Variants in ATG5 observed in about 807,000 individuals in gnomAD.
The protein encoded by ATG5 is autophagy protein 5.
Under a neutral mutation model 36.5 loss-of-function variants are expected in ATG5, and 14 were observed. The observed-to-expected ratio is 0.38, with a 90% confidence interval of 0.25 to 0.60. The LOEUF (loss-of-function observed/expected upper bound fraction) is 0.60. ATG5 is among the 20% of genes least tolerant of loss of function. The probability of loss-of-function intolerance (pLI) is 0.60; values close to 1 mark genes in which losing one functional copy is unlikely to be tolerated. For synonymous variants in ATG5, 95 were observed against 101.5 expected (o/e 0.94, Z 0.38); for missense variants, 195 against 326.7 (o/e 0.60, Z 3.11).
chr6:106,277,900 T>G (rs921184237), intron 5 of ATG5, among the ~76,000 whole-genome samples: 4 of 152,214 alleles, frequency 2.6e-5, no homozygotes, highest in African/African-American at 9.7e-5. Flanking sequence ...GTACTTATAA[T>G]TTAACACATT....
Position 106,186,290 on chromosome 6 carries a change from C to G in ATG5, c.*250G>C, listed in dbSNP as rs1582519798. 2.3e-6 allele frequency: 1 copy of G among 427,724 alleles called. No individual in the cohort carries two copies. The highest frequency in any genetic ancestry group is 2.0e-5 in the African/African-American group (1 of 49,616). 26.5% of individuals were successfully genotyped at this position (427,724 alleles called of 1,614,324 possible). On this transcript the variant is annotated 3_prime_UTR_variant, in exon 8 of 8. Transcript: ENST00000369076. ...AGCTTCATTATATTTTACAGAAGAC[C>G]TTCAGTGGTCCGGTAAGTCTTTCAT...
At chr6:106,238,927 G>GT (rs1778000561) in intron 6 of ATG5, among the ~76,000 whole-genome samples, 1 of 151,924 alleles carries the variant, frequency 6.6e-6, no homozygotes, top group Non-Finnish European at 1.5e-5. Flanking sequence ...AAAAAGTGGA[G>GT]GGGGGGAACC....
At chr6:106,192,113 T>A (rs958970311) in intron 7 of ATG5, among the ~76,000 whole-genome samples, 12 of 152,136 alleles carry the variant, frequency 7.9e-5, no homozygotes, top group African/African-American at 2.9e-4. Flanking sequence ...TTCACGTTTA[T>A]TTAATAGTGC....
At chr6:106,246,390 TCTCA>T (rs752832485) in intron 6 of ATG5, among the ~76,000 whole-genome samples, 2,024 of 113,418 alleles carry the variant, frequency 0.018, 12 homozygotes, top group African/African-American at 0.044. Context: ...TCTCTCTCTC[TCTCA>T]CACACACACA....
At chr6:106,264,394 G>A (rs1433510288) in intron 5 of ATG5, among the ~76,000 whole-genome samples, 2 of 152,140 alleles carry the variant, frequency 1.3e-5, no homozygotes, top group Admixed American at 1.3e-4. Flanking sequence ...TGGGGAAAAT[G>A]GAACCAAGTT....
At chr6:106,200,384 T>C (rs1776373371) in intron 7 of ATG5, among the ~76,000 whole-genome samples, 1 of 152,202 alleles carries the variant, frequency 6.6e-6, no homozygotes. Context: ...GTTAAAGTAT[T>C]ACCTTCATAT....
At chr6:106,195,777 T>C (rs1056636977) in intron 7 of ATG5, among the ~76,000 whole-genome samples, 1 of 146,774 alleles carries the variant, frequency 6.8e-6, no homozygotes, top group Non-Finnish European at 1.5e-5. Context: ...TGGATTAGGT[T>C]GTGTGGCTGC....
chr6:106,267,518 G>A (rs1436706615), intron 5 of ATG5, among the ~76,000 whole-genome samples: 1 of 152,126 alleles, frequency 6.6e-6, no homozygotes, highest in Non-Finnish European at 1.5e-5. Context: ...CCAAAAAAGA[G>A]CCTGTATAGC....
At position 106,321,560 on chromosome 6, in the gene ATG5, G is replaced by A. The variant is rs553383999; in HGVS notation, c.-59+3966C>T. ...TTTTTAGTAGAGACGGGATTTCACC[G>A]TGTTAGCCAGGATGGTCTCGATCTC... On this transcript the variant is annotated intron_variant, in intron 1 of 7. Transcript: ENST00000369076. Among the ~76,000 whole-genome samples, 272 of 151,938 alleles carry A rather than the reference G, an allele frequency of 1.8e-3. 3 individuals carry two copies. Among genetic ancestry groups the A allele is most frequent in the African/African-American group, 6.0e-3 (249 of 41,436 alleles).
chr6:106,222,510 C>T (rs1777288580), intron 6 of ATG5, among the ~76,000 whole-genome samples: 1 of 152,094 alleles, frequency 6.6e-6, no homozygotes, highest in South Asian at 2.1e-4. Flanking sequence ...TGTGCATGCA[C>T]TTTCTTTATT....
chr6:106,252,276 C>CTT (rs1304861892), intron 5 of ATG5, among the ~76,000 whole-genome samples: 1 of 151,650 alleles, frequency 6.6e-6, no homozygotes, highest in Non-Finnish European at 1.5e-5. Context: ...TTTTATAAAA[C>CTT]TTAACATTTA....
At chr6:106,259,182 A>G (rs1465004324) in intron 5 of ATG5, among the ~76,000 whole-genome samples, 1 of 152,186 alleles carries the variant, frequency 6.6e-6, no homozygotes, top group Non-Finnish European at 1.5e-5. Flanking sequence ...AAAATTATAT[A>G]TATTTCTCAA....
intron 6 of ATG5, among the ~76,000 whole-genome samples, chr6:106,242,632 A>C (rs1582599046): frequency 6.6e-6 from 1 of 152,164 alleles, no homozygotes; most frequent in Admixed American, 6.5e-5. Flanking sequence ...ACAACAACAA[A>C]AAAAACACCT....
intron 6 of ATG5, among the ~76,000 whole-genome samples, chr6:106,211,056 CA>C (rs1428424548): frequency 2.0e-5 from 3 of 152,146 alleles, no homozygotes; most frequent in African/African-American, 7.2e-5. Context: ...TATTGTTTTA[CA>C]TACATTAAGA....
At chr6:106,275,356 AG>A (rs1379547409) in intron 5 of ATG5, among the ~76,000 whole-genome samples, 1 of 152,226 alleles carries the variant, frequency 6.6e-6, no homozygotes, top group Non-Finnish European at 1.5e-5. Context: ...CAAGGACTCC[AG>A]TATCCACAGC....
chr6:106,231,309 C>T (rs1171133886), intron 6 of ATG5, among the ~76,000 whole-genome samples: 1 of 152,096 alleles, frequency 6.6e-6, no homozygotes, highest in African/African-American at 2.4e-5. Flanking sequence ...AGACACTAAC[C>T]CCAAATGACA....
intron 3 of ATG5, among the ~76,000 whole-genome samples, chr6:106,306,347 T>C (rs997848034): frequency 6.6e-6 from 1 of 152,230 alleles, no homozygotes; most frequent in Non-Finnish European, 1.5e-5. Context: ...TGAAAGATGA[T>C]GACTTAGCAA....
chr6:106,278,771 C>T (rs183498552), intron 5 of ATG5, among the ~76,000 whole-genome samples: 1 of 152,188 alleles, frequency 6.6e-6, no homozygotes, highest in Admixed American at 6.5e-5. Flanking sequence ...GACAAGGAGG[C>T]AACACGACTA....
intron 6 of ATG5, among the ~76,000 whole-genome samples, chr6:106,216,961 T>TAA (rs59247747): frequency 0.026 from 3,810 of 147,244 alleles, 66 homozygotes; most frequent in African/African-American, 0.053. Context: ...AAGCTGTTAT[T>TAA]AAAAAAAAAA....
Sources: gnomAD v4.1 joint callset for allele counts (sites outside exome capture counted in the v4.1 genomes callset) on GRCh38, gnomAD v4.1.1 for gene constraint, MANE v1.5 for transcripts, NCBI Gene and HGNC (gene_info 2026-07-23, HGNC 2026-07-21) for gene names.